The following ZNF148 variants were observed in gnomAD, a reference collection of about 807,000 sequenced individuals.
ZNF148 encodes the protein Beta-Enolase Repressor Factor-1.
In ZNF148, 7 loss-of-function variants were observed where a neutral mutation model predicts 67.7. The ratio of observed to expected loss-of-function variants is 0.10; its 90% CI spans 0.06 to 0.19. ZNF148 has a LOEUF of 0.19. Ranked by LOEUF, ZNF148 falls within the 10% of genes least tolerant of loss-of-function variation. ZNF148 has a pLI of 1.00. For synonymous variants in ZNF148, 333 were observed against 330.7 expected (o/e 1.01, Z -0.08); for missense variants, 583 against 947.1 (o/e 0.62, Z 5.05).
rs146022552 is a variant in ZNF148 at position 125,331,029 on chromosome 3, G to T, written c.-153+129C>A. 1.6e-3 allele frequency: 631 copies of T among 394,156 alleles called. 7 individuals are homozygous for T. The highest frequency in any genetic ancestry group is 0.012 in the African/African-American group (583 of 48,526). 24.4% of individuals were successfully genotyped at this position (394,156 alleles called of 1,614,324 possible). A position where few individuals can be genotyped will look rare whatever the true frequency, so the allele number is the denominator to read the frequency against. The stretch of plus-strand genomic sequence containing the variant: ...AATAGTGATACCATGTTATTTATAT[G>T]AATATAAAAAGAAAAGGGATTGGCC... On this transcript the variant is annotated intron_variant, in intron 2 of 8. Coordinates refer to ENST00000360647, the MANE Select transcript of ZNF148 (RefSeq NM_021964.3).
chr3:125,318,209 CA>C (rs1164473642), intron 3 of ZNF148, among the ~76,000 whole-genome samples: 9 of 152,104 alleles, frequency 5.9e-5, no homozygotes, highest in Non-Finnish European at 4.4e-5. Context: ...CCAAATACAA[CA>C]AAAGGTCCCA....
chr3:125,240,119 T>A (rs1358138941), intron 7 of ZNF148, among the ~76,000 whole-genome samples: 1 of 152,236 alleles, frequency 6.6e-6, no homozygotes, highest in Non-Finnish European at 1.5e-5. Context: ...TTTTTAAATA[T>A]GCATGGTAAT....
intron 3 of ZNF148, among the ~76,000 whole-genome samples, chr3:125,321,665 G>A (rs144637433): frequency 3.9e-5 from 6 of 152,202 alleles, no homozygotes; most frequent in African/African-American, 1.4e-4. Context: ...TTAACAAGGA[G>A]AGGGGGAGGG....
At chr3:125,324,827 T>G (rs1042113370) in intron 2 of ZNF148, among the ~76,000 whole-genome samples, 5 of 152,116 alleles carry the variant, frequency 3.3e-5, no homozygotes, top group Non-Finnish European at 5.9e-5. Context: ...GTTTATATAT[T>G]TTTTTAAGAG....
In ZNF148 at chr3:125,347,166, T is replaced by C. The variant is rs1021951847; in HGVS notation, c.-233-15928A>G. Among the ~76,000 whole-genome samples, 16 of 152,120 alleles carry C rather than the reference T, an allele frequency of 1.1e-4. 1 individual carries two copies. Among genetic ancestry groups the C allele is most frequent in the Non-Finnish European group, 2.9e-5 (2 of 68,022 alleles). The stretch of plus-strand genomic sequence containing the variant: ...GGTACAAGACATGTACACTGAAAAC[T>C]ACAAAACATCCCTGAAAGAAATTAA... On this transcript the variant is annotated intron_variant, in intron 1 of 8. Transcript: ENST00000360647.
intron 7 of ZNF148, among the ~76,000 whole-genome samples, chr3:125,236,810 T>A (rs1936113906): frequency 6.6e-6 from 1 of 152,092 alleles, no homozygotes; most frequent in Admixed American, 6.6e-5. Flanking sequence ...TAGTACAGAA[T>A]AGCTCACTTG....
chr3:125,271,401 C>T (rs1461262374), intron 7 of ZNF148, among the ~76,000 whole-genome samples: 1 of 152,222 alleles, frequency 6.6e-6, no homozygotes, highest in Non-Finnish European at 1.5e-5. Context: ...TAGAAGGCTA[C>T]ATACATACAG....
intron 3 of ZNF148, 75 bp from the exon 4 acceptor site, chr3:125,313,731 A>C: frequency 1.7e-6 from 2 of 1,195,952 alleles, no homozygotes; most frequent in African/African-American, 1.5e-5. Flanking sequence ...TTTTCAAATT[A>C]AGAATTTGAA....
rs374627602 is a variant in ZNF148, at chr3:125,371,880, C to A, written c.-234+3222G>T. Among the ~76,000 whole-genome samples the A allele has an allele frequency of 1.5e-3, 229 of 151,476 alleles. 7 individuals are homozygous for A. The highest frequency in any genetic ancestry group is 1.7e-3 in the Non-Finnish European group (112 of 67,844). ...GAGATCGAGATCATCCTGGCTAACA[C>A]GGTGAAACCCCGTCTCTACTAAAAA... On this transcript the variant is annotated intron_variant, in intron 1 of 8. Coordinates refer to ENST00000360647, the MANE Select transcript of ZNF148 (RefSeq NM_021964.3).
At chr3:125,259,124 G>A (rs191211443) in intron 7 of ZNF148, among the ~76,000 whole-genome samples, 173 of 152,128 alleles carry the variant, frequency 1.1e-3, no homozygotes, top group African/African-American at 3.9e-3. Flanking sequence ...GAAAAAAATT[G>A]CAAATCACAT....
chr3:125,241,103 G>C (rs1474145679), intron 7 of ZNF148, among the ~76,000 whole-genome samples: 5 of 148,626 alleles, frequency 3.4e-5, no homozygotes, highest in African/African-American at 1.2e-4. Context: ...TTTAAAACTA[G>C]CCATTCTAGA....
At chr3:125,345,863 A>T (rs1268896958) in intron 1 of ZNF148, among the ~76,000 whole-genome samples, 1 of 152,156 alleles carries the variant, frequency 6.6e-6, no homozygotes, top group African/African-American at 2.4e-5. Flanking sequence ...AACAAAAAAA[A>T]ACCTGCAGGC....
intron 2 of ZNF148, among the ~76,000 whole-genome samples, chr3:125,325,107 A>G (rs1028820118): frequency 3.3e-5 from 5 of 152,196 alleles, no homozygotes; most frequent in Non-Finnish European, 7.4e-5. Flanking sequence ...CTCATGTTTT[A>G]AAGTTTTTTA....
chr3:125,315,696 G>C (rs1052947831), intron 3 of ZNF148, among the ~76,000 whole-genome samples: 1 of 135,286 alleles, frequency 7.4e-6, no homozygotes, highest in Non-Finnish European at 1.6e-5. Flanking sequence ...TGACAGAGCA[G>C]GACTCCATCT....
intron 1 of ZNF148, among the ~76,000 whole-genome samples, chr3:125,336,011 T>C (rs1255566715): frequency 1.3e-5 from 2 of 152,244 alleles, no homozygotes; most frequent in African/African-American, 2.4e-5. Context: ...AAATAAAACC[T>C]TAATGTTACT....
At chr3:125,284,673 C>CA (rs1938564552) in intron 5 of ZNF148, among the ~76,000 whole-genome samples, 1 of 152,000 alleles carries the variant, frequency 6.6e-6, no homozygotes, top group African/African-American at 2.4e-5. Context: ...AGATTTCCCC[C>CA]AAAAAATGGT....
chr3:125,343,158 T>C (rs990046831), intron 1 of ZNF148, among the ~76,000 whole-genome samples: 2 of 152,208 alleles, frequency 1.3e-5, no homozygotes, highest in African/African-American at 2.4e-5. Flanking sequence ...TGACTCACAT[T>C]TTAAACACGA....
intron 1 of ZNF148, among the ~76,000 whole-genome samples, chr3:125,353,831 T>TG (rs1942247806): frequency 6.6e-6 from 1 of 151,838 alleles, no homozygotes; most frequent in Non-Finnish European, 1.5e-5. Context: ...CCCAGCACTT[T>TG]GGGAAGCCAA....
At chr3:125,367,253 C>T (rs542775875) in intron 1 of ZNF148, among the ~76,000 whole-genome samples, 75 of 152,160 alleles carry the variant, frequency 4.9e-4, no homozygotes, top group Admixed American at 1.0e-3. Context: ...TCAAAACAGC[C>T]GTCTCAAATA....
Sources: allele counts gnomAD v4.1 joint callset (sites outside exome capture counted in the v4.1 genomes callset), GRCh38; gene constraint gnomAD v4.1.1; transcripts MANE v1.5; gene names NCBI Gene and HGNC (gene_info 2026-07-23, HGNC 2026-07-21).